The following LRRC37A3 variants were observed in gnomAD, a reference collection of about 807,000 sequenced individuals.
The protein encoded by LRRC37A3 is leucine rich repeat containing 37 member A3.
LRRC37A3 carries 25 observed loss-of-function variants against 106.2 expected under a neutral mutation model. That is an observed-to-expected ratio of 0.24 (90% CI 0.17 to 0.33). The LOEUF (loss-of-function observed/expected upper bound fraction) is 0.33, where lower values mean the gene tolerates loss of function less well. Among genes scored for constraint, LRRC37A3 ranks in the 10% least tolerant of loss-of-function variants. The pLI is 1.00. For missense variants in LRRC37A3, 712 were observed against 1,644.9 expected, an observed-to-expected ratio of 0.43 and a Z score of 9.81; for synonymous variants, 305 against 635.8, an observed-to-expected ratio of 0.48 and a Z score of 7.83.
intron 10 of LRRC37A3, among the ~76,000 whole-genome samples, chr17:64,866,608 ATATATATATATATATATATATTTTT>A (rs1371670763): frequency 2.1e-4 from 4 of 19,386 alleles, no homozygotes; most frequent in African/African-American, 9.5e-4. Context: ...ATATATATAT[ATATATATATATATATATATATTTTT>A]TTTTTTTTTT....
intron 10 of LRRC37A3, among the ~76,000 whole-genome samples, chr17:64,866,882 T>C (rs1973132625): frequency 6.8e-6 from 1 of 147,048 alleles, no homozygotes; most frequent in South Asian, 2.2e-4. Context: ...CTCTGGGAGG[T>C]GAGGCAGGAG....
At chr17:64,864,729 C>T (rs1165291222) in intron 10 of LRRC37A3, among the ~76,000 whole-genome samples, 5 of 151,530 alleles carry the variant, frequency 3.3e-5, no homozygotes, top group African/African-American at 1.2e-4. Context: ...TATAATAGTA[C>T]CTACCTCTAA....
At chr17:64,912,924 G>A (rs1453300246) in intron 2 of LRRC37A3, among the ~76,000 whole-genome samples, 2 of 145,296 alleles carry the variant, frequency 1.4e-5, no homozygotes, top group African/African-American at 5.2e-5. Flanking sequence ...ATGATATCTA[G>A]ATTAAAAGCA....
intron 2 of LRRC37A3, among the ~76,000 whole-genome samples, chr17:64,911,375 AG>A (rs1210310770): frequency 2.2e-5 from 3 of 138,860 alleles, no homozygotes; most frequent in African/African-American, 8.2e-5. Context: ...TAATTGTTGA[AG>A]GGTATTTTTG....
Position 64,875,888 on chromosome 17 carries a change from T to C in LRRC37A3, c.2907-6722A>G, listed in dbSNP as rs561397462. 3.9e-5 allele frequency among the ~76,000 whole-genome samples: 6 copies of C among 152,004 alleles called. No homozygotes were observed. The East Asian group carries it at 1.2e-3, about 29-fold the overall frequency. The stretch of plus-strand genomic sequence containing the variant: ...TATATAAAGATGTAATGTGTGACAA[T>C]AACAGTATAAAGGAGGGGGTGAGAG... On this transcript the variant is annotated intron_variant, in intron 8 of 14. Transcript: ENST00000584306.
chr17:64,863,372 C>T (rs1156539587), intron 10 of LRRC37A3: 6 of 258,586 alleles, frequency 2.3e-5, no homozygotes, highest in South Asian at 1.1e-4. Flanking sequence ...CCCCAACTTC[C>T]GGAGTCCCTT....
At chr17:64,890,203 G>A (rs373668199) in intron 5 of LRRC37A3, among the ~76,000 whole-genome samples, 3 of 138,310 alleles carry the variant, frequency 2.2e-5, no homozygotes, top group Non-Finnish European at 4.4e-5. Flanking sequence ...ACTATAATGT[G>A]CATAAAGTGC....
rs1321375673 is a variant in LRRC37A3 at position 64,859,505 on chromosome 17, C to G, written c.4641G>C (p.Lys1547Asn). ...SKIEWDTDQW[K>N]TENYINESTE... ...TGCTCTCATTAATGTAGTTCTCAGT[C>G]TTCCATTGGTCCGTATCCCATTCTA... is the stretch of plus-strand genomic sequence containing the variant. The change falls in exon 12 of 15, where the codon AAG (lysine) becomes AAC (asparagine). Residue 1547 changes from lysine (K) to asparagine (N), a missense_variant. By Grantham distance (94) the Lys-to-Asn change is moderately conservative (BLOSUM62 0). Transcript: ENST00000584306. 3 of 1,611,670 alleles carry G rather than the reference C, an allele frequency of 1.9e-6. No homozygotes were observed. The highest frequency in any genetic ancestry group is 4.5e-5 in the East Asian group (2 of 44,828).
At chr17:64,859,372 G>T in intron 12 of LRRC37A3, 70 bp downstream of exon 12, 1 of 1,405,834 alleles carries the variant, frequency 7.1e-7, no homozygotes, top group Non-Finnish European at 9.9e-7. Flanking sequence ...AGATTCTTCT[G>T]TGTGGGCACT....
intron 2 of LRRC37A3, among the ~76,000 whole-genome samples, chr17:64,913,353 T>TTTA (rs2143631073): frequency 6.8e-6 from 1 of 146,486 alleles, no homozygotes; most frequent in South Asian, 2.1e-4. Context: ...TTTTTTTTTT[T>TTTA]CTTTTGAAAT....
intron 10 of LRRC37A3, among the ~76,000 whole-genome samples, chr17:64,863,930 G>A (rs1287967338): frequency 1.3e-5 from 2 of 150,614 alleles, no homozygotes; most frequent in Admixed American, 6.6e-5. Flanking sequence ...TCAGCCTCCT[G>A]AGTAGCTGGG....
rs1972802006 is a variant in LRRC37A3 at position 64,859,669 on chromosome 17, G to A, written c.4477C>T (p.Leu1493Phe). The A allele has an allele frequency of 6.2e-7, 1 of 1,613,644 alleles. No homozygotes were observed. Among genetic ancestry groups the A allele is most frequent in the African/African-American group, 1.3e-5 (1 of 74,754 alleles). The change falls in exon 12 of 15, where the codon CTC (leucine) becomes TTC (phenylalanine). Residue 1493 changes from leucine to phenylalanine, a missense_variant. Transcript: ENST00000584306. Reference protein sequence around the residue: ...SVIPNNNVRRLIAHVIRTLKM... With the variant: ...SVIPNNNVRRFIAHVIRTLKM... Reference sequence around the variant, plus strand: ...AAGGTCCGGATAACATGAGCAATGAGCCTTCTCACATTGTTGTTGGGGATA... The same window carrying A: ...AAGGTCCGGATAACATGAGCAATGAACCTTCTCACATTGTTGTTGGGGATA...
chr17:64,874,415 C>T lies in LRRC37A3; in HGVS notation c.2907-5249G>A, dbSNP rs372495922. Among the ~76,000 whole-genome samples the T allele has an allele frequency of 2.8e-3, 425 of 150,990 alleles. 1 individual carries two copies. The highest frequency in any genetic ancestry group is 0.01 in the African/African-American group (415 of 41,114). The stretch of plus-strand genomic sequence containing the variant: ...GTGAGGAGCCCCTCCGCCCGGCAGT[C>T]GCCCCGTCTGAGAAGTGAGGAGCCC... On this transcript the variant is annotated intron_variant, in intron 8 of 14. Coordinates refer to ENST00000584306, the MANE Select transcript of LRRC37A3 (RefSeq NM_199340.5).
chr17:64,859,540 C>T lies in LRRC37A3; in HGVS notation c.4606G>A (p.Ala1536Thr). The change falls in exon 12 of 15, where the codon GCA (alanine) becomes ACA (threonine). Residue 1536 changes from alanine (A) to threonine (T), a missense_variant. By Grantham distance (58) the Ala-to-Thr change is moderately conservative. Coordinates refer to ENST00000584306, the MANE Select transcript of LRRC37A3 (RefSeq NM_199340.5). The stretch of plus-strand genomic sequence containing the variant: ...TCCGTATCCCATTCTATCTTGGATG[C>T]CTTTACTTCCTGCTGCCCACTGAGA... ...KLLSGQQEVK[A>T]SKIEWDTDQW... 6.2e-7 allele frequency: 1 copy of T among 1,611,796 alleles called. No individual in the cohort carries two copies. Among genetic ancestry groups the T allele is most frequent in the Non-Finnish European group, 8.5e-7 (1 of 1,179,708 alleles).
intron 2 of LRRC37A3, among the ~76,000 whole-genome samples, chr17:64,912,292 T>C (rs1974605943): frequency 1.7e-5 from 1 of 59,658 alleles, no homozygotes; most frequent in Non-Finnish European, 3.3e-5. Flanking sequence ...AGATATAATA[T>C]ACACTGAAAG....
chr17:64,884,650 G>A (rs926086694), intron 8 of LRRC37A3, among the ~76,000 whole-genome samples: 4 of 141,400 alleles, frequency 2.8e-5, no homozygotes, highest in Admixed American at 7.0e-5. Context: ...ATGAGCCACC[G>A]CTCCCGGCCA....
intron 5 of LRRC37A3, among the ~76,000 whole-genome samples, chr17:64,890,903 G>A (rs1262488539): frequency 2.3e-5 from 1 of 43,060 alleles, no homozygotes; most frequent in Non-Finnish European, 3.7e-5. Flanking sequence ...CCACCACCAC[G>A]CCTGGCTACT....
chr17:64,867,704 G>A (rs1424668283), intron 10 of LRRC37A3, among the ~76,000 whole-genome samples: 1 of 151,554 alleles, frequency 6.6e-6, no homozygotes, highest in African/African-American at 2.4e-5. Flanking sequence ...CTATGGATGA[G>A]GAACCTGCAG....
chr17:64,854,240 G>A lies in LRRC37A3; in HGVS notation c.*359C>T, dbSNP rs543752539. 1 of 385,052 alleles carries A rather than the reference G, an allele frequency of 2.6e-6. No individual in the cohort carries two copies. Among genetic ancestry groups the A allele is most frequent in the African/African-American group, 2.0e-5 (1 of 48,878 alleles). The allele number at this position is 385,052 out of a possible 1,614,324, so 23.9% of individuals were successfully genotyped here. A position where few individuals can be genotyped will look rare whatever the true frequency, so the allele number is the denominator to read the frequency against. On this transcript the variant is annotated 3_prime_UTR_variant, in exon 15 of 15. Coordinates refer to ENST00000584306, the MANE Select transcript of LRRC37A3 (RefSeq NM_199340.5). Reference sequence around the variant, plus strand: ...CTTGAGGGCTTGGGAAAAAGACAGGGCTTGGCCCCACAGTGCAGGTAGGCC... The same window carrying A: ...CTTGAGGGCTTGGGAAAAAGACAGGACTTGGCCCCACAGTGCAGGTAGGCC...
Sources: gnomAD v4.1 joint callset for allele counts (sites outside exome capture counted in the v4.1 genomes callset) on GRCh38, gnomAD v4.1.1 for gene constraint, MANE v1.5 for transcripts, NCBI Gene and HGNC (gene_info 2026-07-23, HGNC 2026-07-21) for gene names.